The following MGMT variants were observed in gnomAD, a reference collection of about 807,000 sequenced individuals.
MGMT encodes methylated-DNA--protein-cysteine methyltransferase.
Under a neutral mutation model 15.9 loss-of-function variants are expected in MGMT, and 14 were observed. The ratio of observed to expected loss-of-function variants is 0.88; its 90% CI spans 0.58 to 1.37. The LOEUF is 1.37. Among genes scored for constraint, MGMT ranks in the 40% most tolerant of loss-of-function variants. MGMT has a pLI of 0.00. For synonymous variants in MGMT, 130 were observed against 118.2 expected (o/e 1.10, Z -0.65); for missense variants, 282 against 268.1 (o/e 1.05, Z -0.36).
At chr10:129,569,558 T>A (rs1222695853) in intron 2 of MGMT, among the ~76,000 whole-genome samples, 1 of 152,176 alleles carries the variant, frequency 6.6e-6, no homozygotes, top group Non-Finnish European at 1.5e-5. Flanking sequence ...ACAAGGGACC[T>A]CAACCTCCTG....
chr10:129,504,600 A>G (rs1589839205), intron 1 of MGMT, among the ~76,000 whole-genome samples: 1 of 152,182 alleles, frequency 6.6e-6, no homozygotes, highest in East Asian at 1.9e-4. Flanking sequence ...AACCATTGTG[A>G]CAACTAAAAA....
chr10:129,544,019 A>G (rs758907622), intron 2 of MGMT, among the ~76,000 whole-genome samples: 3 of 149,414 alleles, frequency 2.0e-5, no homozygotes, highest in Non-Finnish European at 4.4e-5. Context: ...CCTCTCTGGT[A>G]TGTTAAAATA....
intron 1 of MGMT, among the ~76,000 whole-genome samples, chr10:129,519,507 A>G (rs1002953845): frequency 5.3e-5 from 8 of 152,160 alleles, no homozygotes; most frequent in African/African-American, 1.7e-4. Context: ...TTGCGGTGAG[A>G]TGGAGCCTGT....
chr10:129,545,580 A>G (rs896954376), intron 2 of MGMT, among the ~76,000 whole-genome samples: 2 of 152,220 alleles, frequency 1.3e-5, no homozygotes, highest in African/African-American at 4.8e-5. Context: ...GCAGTTACCC[A>G]GGGCCACGTC....
intron 1 of MGMT, among the ~76,000 whole-genome samples, chr10:129,478,923 T>G (rs1278274165): frequency 1.0e-5 from 1 of 99,116 alleles, no homozygotes; most frequent in African/African-American, 2.7e-5. Flanking sequence ...AGTGAGAATC[T>G]CTAAGAATAT....
intron 2 of MGMT, among the ~76,000 whole-genome samples, chr10:129,661,215 T>C (rs1847593523): frequency 6.7e-6 from 1 of 149,808 alleles, no homozygotes; most frequent in Admixed American, 6.7e-5. Flanking sequence ...ATTTCCAACT[T>C]TTTTTTTTTG....
At chr10:129,759,446 G>A in intron 4 of MGMT, 105 bp downstream of exon 4, 1 of 1,554,966 alleles carries the variant, frequency 6.4e-7, no homozygotes. Context: ...TGTGCTGCTG[G>A]GGTGGGCAGA....
chr10:129,497,191 G>T (rs760047565), intron 1 of MGMT, among the ~76,000 whole-genome samples: 6 of 152,212 alleles, frequency 3.9e-5, no homozygotes, highest in African/African-American at 1.4e-4. Flanking sequence ...GCCACAGCTC[G>T]TACCACTCCC....
Position 129,536,340 on chromosome 10 carries a change from G to T in MGMT, c.88G>T (p.Glu30Ter), listed in dbSNP as rs2020893. 9 of 1,614,056 alleles carry T rather than the reference G, an allele frequency of 5.6e-6. No homozygotes were observed. Among genetic ancestry groups the T allele is most frequent in the Non-Finnish European group, 6.8e-6 (8 of 1,180,014 alleles). ...ELSGCEQGLH[E>*]IKLLGKGTSA... ...GTCTGGTTGTGAGCAGGGTCTGCAC[G>T]AAATAAAGCTCCTGGGCAAGGGGAC... Residue 30 changes from glutamate to a stop codon, truncating the protein, a stop_gained, in exon 2 of 5, where the codon GAA (glutamate) becomes TAA (stop). Coordinates refer to ENST00000651593, the MANE Select transcript of MGMT (RefSeq NM_002412.5). LOFTEE classifies it high-confidence loss of function.
chr10:129,656,099 C>G (rs1257405180), intron 2 of MGMT, among the ~76,000 whole-genome samples: 2 of 152,148 alleles, frequency 1.3e-5, no homozygotes, highest in African/African-American at 2.4e-5. Flanking sequence ...TCCAGGGAAC[C>G]CAGGTGAAAG....
At chr10:129,737,668 T>C (rs1355933943) in intron 3 of MGMT, among the ~76,000 whole-genome samples, 7 of 152,244 alleles carry the variant, frequency 4.6e-5, no homozygotes, top group African/African-American at 9.6e-5. Flanking sequence ...CTCTGTTTTT[T>C]CCCCATCTTT....
intron 2 of MGMT, among the ~76,000 whole-genome samples, chr10:129,641,447 G>A (rs1428958718): frequency 2.6e-5 from 4 of 152,182 alleles, no homozygotes; most frequent in East Asian, 1.9e-4. Context: ...TGAAATCTAT[G>A]TGGAAATTTA....
chr10:129,682,942 G>T (rs1347236176), intron 2 of MGMT, among the ~76,000 whole-genome samples: 1 of 152,130 alleles, frequency 6.6e-6, no homozygotes, highest in African/African-American at 2.4e-5. Context: ...TTCATCTCCC[G>T]GGTTCAAGCG....
At chr10:129,622,695 A>G (rs1240061293) in intron 2 of MGMT, among the ~76,000 whole-genome samples, 1 of 152,218 alleles carries the variant, frequency 6.6e-6, no homozygotes, top group Non-Finnish European at 1.5e-5. Flanking sequence ...AACTGTTTAA[A>G]TAAGTTCTGG....
chr10:129,746,730 A>G (rs1296381081), intron 3 of MGMT, among the ~76,000 whole-genome samples: 1 of 152,116 alleles, frequency 6.6e-6, no homozygotes, highest in Admixed American at 6.5e-5. Context: ...GCAAATACAT[A>G]ATTATTATTA....
Position 129,489,428 on chromosome 10 carries a change from T to C in MGMT, c.-13+22132T>C, listed in dbSNP as rs537166965. ...CATATCTTGATTTTCCATTTTCCTC[T>C]TCAGGAGTTTCTTGATTCTTTTGGG... On this transcript the variant is annotated intron_variant, in intron 1 of 4. Coordinates refer to ENST00000651593, the MANE Select transcript of MGMT (RefSeq NM_002412.5). 4.5e-3 allele frequency among the ~76,000 whole-genome samples: 676 copies of C among 151,876 alleles called. 2 individuals carry two copies. Among genetic ancestry groups the C allele is most frequent in the Non-Finnish European group, 7.1e-3 (481 of 67,978 alleles).
At chr10:129,629,349 A>G (rs1239724012) in intron 2 of MGMT, among the ~76,000 whole-genome samples, 1 of 152,178 alleles carries the variant, frequency 6.6e-6, no homozygotes, top group Non-Finnish European at 1.5e-5. Flanking sequence ...CCTCTACACA[A>G]ACAGACACAC....
At chr10:129,672,182 A>G (rs1251365235) in intron 2 of MGMT, among the ~76,000 whole-genome samples, 1 of 152,186 alleles carries the variant, frequency 6.6e-6, no homozygotes, top group Non-Finnish European at 1.5e-5. Flanking sequence ...ATCATTTGTT[A>G]TAGGGGTCTA....
At chr10:129,552,224 G>A (rs1359954459) in intron 2 of MGMT, among the ~76,000 whole-genome samples, 2 of 152,204 alleles carry the variant, frequency 1.3e-5, no homozygotes, top group Non-Finnish European at 2.9e-5. Flanking sequence ...GAACATGTGG[G>A]AGGGGCAGGC....
Sources: gnomAD v4.1 joint callset for allele counts (sites outside exome capture counted in the v4.1 genomes callset) on GRCh38, gnomAD v4.1.1 for gene constraint, MANE v1.5 for transcripts, NCBI Gene and HGNC (gene_info 2026-07-23, HGNC 2026-07-21) for gene names.